Variants in IQANK1 observed in about 807,000 individuals in gnomAD.
IQANK1 encodes the protein IQ motif and ankyrin repeat domain-containing protein 1.
In IQANK1, 30 loss-of-function variants were observed where a neutral mutation model predicts 22.6. The observed-to-expected ratio is 1.33, with a 90% CI of 0.99 to 1.80. The LOEUF (loss-of-function observed/expected upper bound fraction) is 1.80, where lower values mean the gene tolerates loss of function less well. Among genes scored for constraint, IQANK1 ranks in the 40% most tolerant of loss-of-function variants. IQANK1 has a pLI of 0.00. For synonymous variants in IQANK1, 122 were observed against 99.6 expected (o/e 1.23, Z -1.34); for missense variants, 275 against 235.2 (o/e 1.17, Z -1.11).
chr8:143,771,683 A>C lies in IQANK1; in HGVS notation c.306+65A>C. 1 of 398,128 alleles carries C rather than the reference A, an allele frequency of 2.5e-6. No homozygotes were observed. Among genetic ancestry groups the C allele is most frequent in the Non-Finnish European group, 4.4e-6 (1 of 226,282 alleles). The allele number at this position is 398,128 out of a possible 1,614,324, so 24.7% of individuals were successfully genotyped here. On this transcript the variant is annotated intron_variant, in intron 4 of 13. Coordinates refer to ENST00000527139, the MANE Select transcript of IQANK1 (RefSeq NM_001381874.1). The surrounding 1 kb of genome is among the most constrained non-coding windows in gnomAD (Gnocchi z 6.0). The stretch of plus-strand genomic sequence containing the variant: ...AGGCAGGGGGAGGAAATGGCGAAGC[A>C]GGGTGCGTGGTGGGGGTGAGGCTCA...
At chr8:143,737,739 GCTC>G (rs1818780135) in intron 2 of IQANK1, among the ~76,000 whole-genome samples, 1 of 152,180 alleles carries the variant, frequency 6.6e-6, no homozygotes, top group Non-Finnish European at 1.5e-5. Flanking sequence ...ACCCAGGCCT[GCTC>G]CTCCTGTAGC....
intron 3 of IQANK1, among the ~76,000 whole-genome samples, chr8:143,753,947 CT>C (rs1235871164): frequency 6.6e-6 from 1 of 151,798 alleles, no homozygotes; most frequent in Non-Finnish European, 1.5e-5. Context: ...TTCTTTTCTA[CT>C]GTTGTAGGCT....
intron 7 of IQANK1, among the ~76,000 whole-genome samples, chr8:143,780,984 ATC>A (rs782817670): frequency 1.2e-4 from 19 of 152,088 alleles, no homozygotes; most frequent in Non-Finnish European, 2.5e-4. Flanking sequence ...CCTCACCAGC[ATC>A]TGTTATTTTT....
intron 7 of IQANK1, among the ~76,000 whole-genome samples, chr8:143,786,447 C>T (rs1819891364): frequency 6.6e-6 from 1 of 152,136 alleles, no homozygotes; most frequent in Admixed American, 6.5e-5. Context: ...CAAATATAGA[C>T]AGAATCATTG....
chr8:143,746,915 T>C (rs1227224367), intron 3 of IQANK1, among the ~76,000 whole-genome samples: 2 of 152,180 alleles, frequency 1.3e-5, no homozygotes, highest in Non-Finnish European at 2.9e-5. Flanking sequence ...AGTCTTGCTC[T>C]GTTGCCCAGG....
chr8:143,750,799 G>A (rs782295366), intron 3 of IQANK1, among the ~76,000 whole-genome samples: 6 of 152,068 alleles, frequency 3.9e-5, no homozygotes, highest in Non-Finnish European at 7.4e-5. Context: ...CGGTGACAGA[G>A]CAAGAACCCA....
At chr8:143,751,230 A>C (rs368332737) in intron 3 of IQANK1, among the ~76,000 whole-genome samples, 32 of 152,262 alleles carry the variant, frequency 2.1e-4, no homozygotes, top group African/African-American at 7.0e-4. Flanking sequence ...TTATAAATGC[A>C]CTGGTCTCTT....
chr8:143,782,494 T>C (rs1315584423), intron 7 of IQANK1, among the ~76,000 whole-genome samples: 6 of 152,206 alleles, frequency 3.9e-5, no homozygotes, highest in Non-Finnish European at 8.8e-5. Context: ...TTCTTTTTTT[T>C]TGAGACAGAG....
At chr8:143,743,325 A>G (rs1435685954) in intron 3 of IQANK1, among the ~76,000 whole-genome samples, 3 of 152,142 alleles carry the variant, frequency 2.0e-5, no homozygotes, top group Non-Finnish European at 4.4e-5. Flanking sequence ...GCAACCTCCA[A>G]CTGCTGGGCT....
chr8:143,779,161 C>G (rs1819745211), intron 7 of IQANK1, among the ~76,000 whole-genome samples: 1 of 152,126 alleles, frequency 6.6e-6, no homozygotes, highest in African/African-American at 2.4e-5. Flanking sequence ...AACTTATAAG[C>G]TATCCACTCA....
intron 7 of IQANK1, among the ~76,000 whole-genome samples, chr8:143,775,938 A>T (rs980482220): frequency 6.6e-6 from 1 of 152,282 alleles, no homozygotes; most frequent in East Asian, 1.9e-4. Context: ...GTTAATCTGA[A>T]GATATAGCAA....
In IQANK1 at chr8:143,774,637, A is replaced by C. The variant is rs1445633782; in HGVS notation, c.789+2155A>C. The stretch of plus-strand genomic sequence containing the variant: ...GAACACATTTACCATGTAACACAGC[A>C]TCAGACTCCTAGACATTTGCTCCAG... On this transcript the variant is annotated intron_variant, in intron 7 of 13. Coordinates refer to ENST00000527139, the MANE Select transcript of IQANK1 (RefSeq NM_001381874.1). The surrounding 1 kb of genome is among the most constrained non-coding windows in gnomAD (Gnocchi z 4.2). Among the ~76,000 whole-genome samples the C allele has an allele frequency of 6.6e-6, 1 of 152,240 alleles. No homozygotes were observed. The highest frequency in any genetic ancestry group is 2.4e-5 in the African/African-American group (1 of 41,468).
At chr8:143,773,300 CAAAAAAAA>C (rs1185632785) in intron 7 of IQANK1, among the ~76,000 whole-genome samples, 11 of 79,696 alleles carry the variant, frequency 1.4e-4, no homozygotes, top group African/African-American at 4.8e-4. Flanking sequence ...GAGTGAGACT[CAAAAAAAA>C]AAAAAAAACA....
At position 143,742,146 on chromosome 8, in the gene IQANK1, C is replaced by G. The variant is rs547640226; in HGVS notation, c.175+2198C>G. 56 of 352,054 alleles carry G rather than the reference C, an allele frequency of 1.6e-4. 1 individual carries two copies. The highest frequency in any genetic ancestry group is 1.1e-3 in the South Asian group (51 of 47,664). The allele number at this position is 352,054 out of a possible 1,614,324, so 21.8% of individuals were successfully genotyped here. Reference sequence around the variant, plus strand: ...GTTCCCTGCTCCTCACAGAGCCACCCCCAAGCCTTTCCCAGCTGTCCGCAT... The same window carrying G: ...GTTCCCTGCTCCTCACAGAGCCACCGCCAAGCCTTTCCCAGCTGTCCGCAT... On this transcript the variant is annotated intron_variant, in intron 3 of 13. Coordinates refer to ENST00000527139, the MANE Select transcript of IQANK1 (RefSeq NM_001381874.1).
intron 3 of IQANK1, chr8:143,742,708 G>C (rs782412753): frequency 2.2e-5 from 10 of 455,858 alleles, no homozygotes; most frequent in South Asian, 1.4e-4. Flanking sequence ...TCCAAAGGGG[G>C]GCCTGCCAGA....
chr8:143,752,900 C>G (rs782266220), intron 3 of IQANK1, among the ~76,000 whole-genome samples: 1 of 150,618 alleles, frequency 6.6e-6, no homozygotes, highest in Non-Finnish European at 1.5e-5. Flanking sequence ...TGACTGTATT[C>G]TCTCTGCCCC....
At chr8:143,767,877 C>CT (rs782768885) in intron 3 of IQANK1, among the ~76,000 whole-genome samples, 1,807 of 78,820 alleles carry the variant, frequency 0.023, 202 homozygotes, top group African/African-American at 0.093. Flanking sequence ...GGAGCGAGAC[C>CT]TTTTTTTTTT....
chr8:143,751,252 G>GA (rs1819182745), intron 3 of IQANK1, among the ~76,000 whole-genome samples: 1 of 151,630 alleles, frequency 6.6e-6, no homozygotes, highest in South Asian at 2.1e-4. Context: ...AATTATCTAG[G>GA]AAAAAAGTGG....
At position 143,772,385 on chromosome 8, in the gene IQANK1, G is replaced by T; in HGVS notation, c.692G>T (p.Arg231Leu). Residue 231 changes from arginine to leucine, a missense_variant, in exon 7 of 14, where the codon CGT becomes CTT. Physicochemically the swap from Arg to Leu is moderately radical, Grantham distance 102. Transcript: ENST00000527139. ...GCTTTCGGTCCGACGCCGCTGTACCGTGCAGCCTTTGGGGGCCACCTGGCA... is the reference window on the plus strand; with the variant it reads ...GCTTTCGGTCCGACGCCGCTGTACCTTGCAGCCTTTGGGGGCCACCTGGCA... ...KGAFGPTPLY[R>L]AAFGGHLAAV... 2.5e-6 allele frequency: 1 copy of T among 399,426 alleles called. No individual in the cohort carries two copies. 24.7% of individuals were successfully genotyped at this position (399,426 alleles called of 1,614,324 possible). A position where few individuals can be genotyped will look rare whatever the true frequency, so the allele number is the denominator to read the frequency against.
Sources: gnomAD v4.1 joint callset for allele counts (sites outside exome capture counted in the v4.1 genomes callset) on GRCh38, gnomAD v4.1.1 for gene constraint, Gnocchi (gnomAD v3.1) non-coding constraint, MANE v1.5 for transcripts, NCBI Gene and HGNC (gene_info 2026-07-23, HGNC 2026-07-21) for gene names.